Variants in ZNF441 observed in about 807,000 individuals in gnomAD.
ZNF441 encodes zinc finger protein 441.
Under a neutral mutation model 64.5 loss-of-function variants are expected in ZNF441, and 25 were observed. That is an observed-to-expected ratio of 0.39 (90% CI 0.28 to 0.54). The LOEUF (loss-of-function observed/expected upper bound fraction) is 0.54. Ranked by LOEUF, ZNF441 falls within the 20% of genes least tolerant of loss-of-function variation. ZNF441 has a pLI of 0.70. For synonymous variants in ZNF441, 262 were observed against 268.0 expected, an observed-to-expected ratio of 0.98 and a Z score of 0.22; for missense variants, 715 against 843.3, an observed-to-expected ratio of 0.85 and a Z score of 1.88.
At position 11,780,652 on chromosome 19, in the gene ZNF441, A is replaced by C; in HGVS notation, c.828A>C (p.Gly276=). The change falls in exon 4 of 4, where the codon GGA becomes GGC. Residue 276 remains glycine, a synonymous_variant. Coordinates refer to ENST00000357901, the MANE Select transcript of ZNF441 (RefSeq NM_152355.3). ...YTQLYERTHT[G]EQSYECKQCG... is the part of the protein sequence containing the mutation. ...AACTATATGAAAGGACTCACACTGG[A>C]GAACAATCCTATGAATGTAAGCAAT... 1 of 1,614,176 alleles carries C rather than the reference A, an allele frequency of 6.2e-7. No individual in the cohort carries two copies.
intron 1 of ZNF441, among the ~76,000 whole-genome samples, chr19:11,771,776 G>A (rs1975315569): frequency 1.3e-5 from 2 of 152,208 alleles, no homozygotes; most frequent in South Asian, 4.1e-4. Context: ...TGGTCTAGCG[G>A]TAGCAAAAAG....
Position 11,781,573 on chromosome 19 carries a change from A to C in ZNF441, c.1749A>C (p.Gly583=), listed in dbSNP as rs148934012. 1 of 1,614,062 alleles carries C rather than the reference A, an allele frequency of 6.2e-7. No homozygotes were observed. The highest frequency in any genetic ancestry group is 1.3e-5 in the African/African-American group (1 of 75,032). Residue 583 remains glycine, a synonymous_variant, in exon 4 of 4, where the codon GGA becomes GGC. Coordinates refer to ENST00000357901, the MANE Select transcript of ZNF441 (RefSeq NM_152355.3). ...SFRRHMITHT[G]NGPHKCKICG... The stretch of plus-strand genomic sequence containing the variant: ...GAAGACACATGATAACACATACTGG[A>C]AATGGACCTCATAAATGTAAGATAT...
chr19:11,771,273 A>G (rs1975311206), intron 1 of ZNF441, among the ~76,000 whole-genome samples: 1 of 152,206 alleles, frequency 6.6e-6, no homozygotes, highest in South Asian at 2.1e-4. Flanking sequence ...ATAGTTGATA[A>G]ATTACATGGA....
Position 11,781,788 on chromosome 19 carries a change from C to G in ZNF441, c.1964C>G (p.Pro655Arg). 1 of 1,613,956 alleles carries G rather than the reference C, an allele frequency of 6.2e-7. No individual in the cohort carries two copies. Among genetic ancestry groups the G allele is most frequent in the Non-Finnish European group, 8.5e-7 (1 of 1,179,926 alleles). Reference sequence around the variant, plus strand: ...GAATGTGGGAAACCATTCCATTGTCCCAGTGCCTTTCATAAACATGAAAGG... The same window carrying G: ...GAATGTGGGAAACCATTCCATTGTCGCAGTGCCTTTCATAAACATGAAAGG... ...CKECGKPFHCPSAFHKHERTH... is the reference protein window; with the variant it reads ...CKECGKPFHCRSAFHKHERTH... Residue 655 changes from proline (P) to arginine (R), a missense_variant, in exon 4 of 4, where the codon CCC becomes CGC. Pro to Arg is a moderately radical substitution (Grantham distance 103). Transcript: ENST00000357901.
In ZNF441 at chr19:11,781,636, A is replaced by C; in HGVS notation, c.1812A>C (p.Arg604Ser). ...KGFDYPSSVQ[R>S]HERTHTGEKP... ...TTGATTATCCCAGTTCAGTGCAAAG[A>C]CATGAAAGAACTCACACTGGAGAGA... The change falls in exon 4 of 4, where the codon AGA (arginine) becomes AGC (serine). Residue 604 changes from arginine (R) to serine (S), a missense_variant. Coordinates refer to ENST00000357901, the MANE Select transcript of ZNF441 (RefSeq NM_152355.3). 6.2e-7 allele frequency: 1 copy of C among 1,614,118 alleles called. No homozygotes were observed. The highest frequency in any genetic ancestry group is 8.5e-7 in the Non-Finnish European group (1 of 1,179,996).
chr19:11,771,839 C>T (rs1975316260), intron 1 of ZNF441, among the ~76,000 whole-genome samples: 1 of 152,140 alleles, frequency 6.6e-6, no homozygotes. Context: ...CTCCTTTTCC[C>T]CGGGGGAGTT....
chr19:11,778,403 A>C lies in ZNF441; in HGVS notation c.194+10A>C. 3 of 1,536,440 alleles carry C rather than the reference A, an allele frequency of 2.0e-6. No individual in the cohort carries two copies. The highest frequency in any genetic ancestry group is 1.8e-6 in the Non-Finnish European group (2 of 1,139,076). On this transcript the variant is annotated intron_variant, in intron 3 of 3. Transcript: ENST00000357901. ...TCAGAAGAAATCTAAGGTAATTTGC[A>C]CTCACAAGAGAAAGCTGTGTCCTTG...
At position 11,778,483 on chromosome 19, in the gene ZNF441, G is replaced by A. The variant is rs539989061; in HGVS notation, c.194+90G>A. 302 of 1,064,180 alleles carry A rather than the reference G, an allele frequency of 2.8e-4. 1 individual carries two copies. In the African/African-American group the frequency reaches 4.5e-3, roughly 16 times the overall value. The allele number at this position is 1,064,180 out of a possible 1,614,324, so 65.9% of individuals were successfully genotyped here. On this transcript the variant is annotated intron_variant, in intron 3 of 3. Coordinates refer to ENST00000357901, the MANE Select transcript of ZNF441 (RefSeq NM_152355.3). ...TTTTATTTTGTTTGTTTTAGAGACAGTGTCTCACTTTGTTGCTCAGGCTGG... is the reference window on the plus strand; with the variant it reads ...TTTTATTTTGTTTGTTTTAGAGACAATGTCTCACTTTGTTGCTCAGGCTGG...
Position 11,767,143 on chromosome 19 carries a change from G to A in ZNF441, c.-51G>A, listed in dbSNP as rs78397313. The A allele has an allele frequency of 1.9e-5, 29 of 1,553,730 alleles. No homozygotes were observed. In the African/African-American group the frequency reaches 3.7e-4, roughly 20 times the overall value. On this transcript the variant is annotated 5_prime_UTR_variant, in exon 1 of 4. Transcript: ENST00000357901. This position sits in a 1 kb window ranked among gnomAD's most constrained non-coding sequence, Gnocchi z 5.1. The stretch of plus-strand genomic sequence containing the variant: ...GGCAGCTTCTGTCTCGCTGGGACCC[G>A]CACTGACAGCGGGAGGCAGAGGGAG...
At chr19:11,775,960 C>T (rs1309179899) in intron 1 of ZNF441, among the ~76,000 whole-genome samples, 1 of 152,160 alleles carries the variant, frequency 6.6e-6, no homozygotes, top group Non-Finnish European at 1.5e-5. Context: ...AAATTGTTCT[C>T]TCCTTTTTTA....
At chr19:11,773,495 G>T (rs1440643930) in intron 1 of ZNF441, among the ~76,000 whole-genome samples, 1 of 152,152 alleles carries the variant, frequency 6.6e-6, no homozygotes, top group Admixed American at 6.5e-5. Context: ...GAGTTCACAT[G>T]TATCATTAGT....
chr19:11,768,034 T>C (rs1975284826), intron 1 of ZNF441, among the ~76,000 whole-genome samples: 1 of 152,182 alleles, frequency 6.6e-6, no homozygotes. Flanking sequence ...GGAGGAGTTG[T>C]GGTCTGTGTG....
rs1002006005 is a variant in ZNF441, at chr19:11,767,855, G to A, written c.3+659G>A. Among the ~76,000 whole-genome samples, 6 of 152,324 alleles carry A rather than the reference G, an allele frequency of 3.9e-5. No homozygotes were observed. Among genetic ancestry groups the A allele is most frequent in the African/African-American group, 1.2e-4 (5 of 41,570 alleles). On this transcript the variant is annotated intron_variant, in intron 1 of 3. Transcript: ENST00000357901. The surrounding 1 kb of genome is among the most constrained non-coding windows in gnomAD (Gnocchi z 5.1). Reference sequence around the variant, plus strand: ...AAGCCGGCGGTCAGCATCTGCTGTGGCCTGACTCTTGGGGAGGCGGCCCCG... The same window carrying A: ...AAGCCGGCGGTCAGCATCTGCTGTGACCTGACTCTTGGGGAGGCGGCCCCG...
chr19:11,775,561 C>T (rs1410671048), intron 1 of ZNF441, among the ~76,000 whole-genome samples: 1 of 151,514 alleles, frequency 6.6e-6, no homozygotes, highest in African/African-American at 2.4e-5. Flanking sequence ...GATCTCCTGA[C>T]CTCGTGATCC....
At position 11,767,140 on chromosome 19, in the gene ZNF441, C is replaced by T; in HGVS notation, c.-54C>T. ...TGTGGCAGCTTCTGTCTCGCTGGGACCCGCACTGACAGCGGGAGGCAGAGG... is the reference window on the plus strand; with the variant it reads ...TGTGGCAGCTTCTGTCTCGCTGGGATCCGCACTGACAGCGGGAGGCAGAGG... On this transcript the variant is annotated 5_prime_UTR_variant, in exon 1 of 4. Transcript: ENST00000357901. The surrounding 1 kb of genome is among the most constrained non-coding windows in gnomAD (Gnocchi z 5.1). 1 of 1,553,400 alleles carries T rather than the reference C, an allele frequency of 6.4e-7. No homozygotes were observed. Among genetic ancestry groups the T allele is most frequent in the Non-Finnish European group, 8.7e-7 (1 of 1,148,118 alleles).
In ZNF441 at chr19:11,783,514, G is replaced by A. The variant is rs1035883515; in HGVS notation, c.*1608G>A. On this transcript the variant is annotated 3_prime_UTR_variant, in exon 4 of 4. Transcript: ENST00000357901. ...CACTATTCATGATAACAAAGATATG[G>A]AATTAACCTAAGCATCCATCAGTGG... is the stretch of plus-strand genomic sequence containing the variant. 16 of 152,182 alleles carry A rather than the reference G, an allele frequency of 1.1e-4. No individual in the cohort carries two copies. The highest frequency in any genetic ancestry group is 3.6e-4 in the African/African-American group (15 of 41,440). 9.4% of individuals were successfully genotyped at this position (152,182 alleles called of 1,614,324 possible).
intron 1 of ZNF441, among the ~76,000 whole-genome samples, chr19:11,769,755 A>C (rs1200512009): frequency 1.3e-5 from 2 of 152,022 alleles, no homozygotes; most frequent in South Asian, 2.1e-4. Context: ...AGCTCACTGC[A>C]ACCTCCGCCT....
chr19:11,770,308 C>G lies in ZNF441; in HGVS notation c.3+3112C>G, dbSNP rs780726166. On this transcript the variant is annotated intron_variant, in intron 1 of 3. Transcript: ENST00000357901. ...TATCACAAGAACAGCGTGGGGGAAACCGCCCCCATGATCCAGTCACCTCCC... is the reference window on the plus strand; with the variant it reads ...TATCACAAGAACAGCGTGGGGGAAAGCGCCCCCATGATCCAGTCACCTCCC... 1.7e-4 allele frequency among the ~76,000 whole-genome samples: 26 copies of G among 152,208 alleles called. 1 individual carries two copies. The highest frequency in any genetic ancestry group is 2.2e-4 in the Non-Finnish European group (15 of 68,010).
chr19:11,769,675 T>A (rs570849850), intron 1 of ZNF441, among the ~76,000 whole-genome samples: 3 of 152,070 alleles, frequency 2.0e-5, no homozygotes, highest in African/African-American at 4.8e-5. Context: ...GACTCTTTTT[T>A]TTTTTATTTT....
Sources: gnomAD v4.1 joint callset for allele counts (sites outside exome capture counted in the v4.1 genomes callset) on GRCh38, gnomAD v4.1.1 for gene constraint, Gnocchi (gnomAD v3.1) non-coding constraint, MANE v1.5 for transcripts, NCBI Gene and HGNC (gene_info 2026-07-23, HGNC 2026-07-21) for gene names.